KPNA6: variants seen among roughly 807,000 people sequenced by gnomAD.
KPNA6 encodes the protein importin subunit alpha-7.
KPNA6 carries 9 observed loss-of-function variants against 72.0 expected under a neutral mutation model. That is an observed-to-expected ratio of 0.13 (90% CI 0.08 to 0.22). KPNA6 has a LOEUF of 0.22. Ranked by LOEUF, KPNA6 falls within the 10% of genes least tolerant of loss-of-function variation. KPNA6 has a pLI of 1.00. For synonymous variants in KPNA6, 219 were observed against 242.1 expected (o/e 0.90, Z 0.89); for missense variants, 374 against 655.7 (o/e 0.57, Z 4.69).
intron 10 of KPNA6, 84 bp from the exon 11 acceptor site, chr1:32,166,014 ACAACAAC>A: frequency 1.7e-6 from 2 of 1,206,706 alleles, no homozygotes; most frequent in Non-Finnish European, 2.2e-6. Flanking sequence ...AAAAACAAAA[ACAACAAC>A]AACAACAACA....
At chr1:32,147,650 CTTTTTTTTTTTT>C (rs915571659) in intron 1 of KPNA6, among the ~76,000 whole-genome samples, 11 of 81,868 alleles carry the variant, frequency 1.3e-4, no homozygotes, top group South Asian at 4.7e-4. Flanking sequence ...GATTTCTTTT[CTTTTTTTTTTTT>C]TTTTTTTTTT....
In KPNA6 at chr1:32,154,606, G is replaced by A. The variant is rs1642103220; in HGVS notation, c.23G>A (p.Gly8Glu). 1 of 1,613,514 alleles carries A rather than the reference G, an allele frequency of 6.2e-7. No individual in the cohort carries two copies. Residue 8 changes from glycine (G) to glutamate (E), a missense_variant, in exon 2 of 14, where the codon GGG becomes GAG. Around this residue, in one of 3 missense-constraint regions of KPNA6, gnomAD observed 298 missense variants for 495.4 expected, o/e 0.60. Transcript: ENST00000373625. ...CTTCTAGAGACCATGGCGAGCCCAGGGAAAGACAATTATCGAATGAAGAGC... is the reference window on the plus strand; with the variant it reads ...CTTCTAGAGACCATGGCGAGCCCAGAGAAAGACAATTATCGAATGAAGAGC... METMASP[G>E]KDNYRMKSYK...
At chr1:32,112,838 G>A (rs1472298377) in intron 1 of KPNA6, among the ~76,000 whole-genome samples, 3 of 152,100 alleles carry the variant, frequency 2.0e-5, no homozygotes, top group Admixed American at 2.0e-4. Context: ...GTGAAAAATT[G>A]CCATTTGGTG....
chr1:32,148,164 G>A (rs1229619657), intron 1 of KPNA6, among the ~76,000 whole-genome samples: 1 of 151,732 alleles, frequency 6.6e-6, no homozygotes, highest in Non-Finnish European at 1.5e-5. Context: ...GAGTACAGTG[G>A]CATGATCTCG....
chr1:32,108,580 G>A (rs982389058), intron 1 of KPNA6, among the ~76,000 whole-genome samples: 1 of 152,268 alleles, frequency 6.6e-6, no homozygotes, highest in African/African-American at 2.4e-5. Context: ...TCCTACCTAC[G>A]TAGCGAGGTG....
At chr1:32,123,894 C>T (rs552506242) in intron 1 of KPNA6, among the ~76,000 whole-genome samples, 2 of 149,764 alleles carry the variant, frequency 1.3e-5, no homozygotes, top group Non-Finnish European at 3.0e-5. Flanking sequence ...ATTAGCTGGG[C>T]GTGGTGGTGT....
chr1:32,146,688 TG>T (rs1196770633), intron 1 of KPNA6, among the ~76,000 whole-genome samples: 1 of 152,228 alleles, frequency 6.6e-6, no homozygotes, highest in Non-Finnish European at 1.5e-5. Flanking sequence ...AATTATTTTA[TG>T]CATTTGTCTT....
chr1:32,170,661 T>A lies in KPNA6; in HGVS notation c.1424-46T>A, dbSNP rs763378439. 3.9e-6 allele frequency: 6 copies of A among 1,544,914 alleles called. No individual in the cohort carries two copies. In the Admixed American group the frequency reaches 1.0e-4, roughly 27 times the overall value. On this transcript the variant is annotated intron_variant, in intron 13 of 13. Coordinates refer to ENST00000373625, the MANE Select transcript of KPNA6 (RefSeq NM_012316.5). ...AATAGGTAAATGTTTCACCTGCCCA[T>A]AGAAAAGCACTCACACTTCCCTCTC... is the stretch of plus-strand genomic sequence containing the variant.
At chr1:32,143,025 G>C (rs1031123773) in intron 1 of KPNA6, 2 of 1,283,348 alleles carry the variant, frequency 1.6e-6, no homozygotes, top group Non-Finnish European at 1.0e-6. Context: ...TATGTGTCAG[G>C]TAATAGGGGA....
At chr1:32,115,221 G>T (rs1024426219) in intron 1 of KPNA6, among the ~76,000 whole-genome samples, 7 of 150,854 alleles carry the variant, frequency 4.6e-5, no homozygotes, top group Admixed American at 2.0e-4. Flanking sequence ...CTACAAGCTC[G>T]GCCTCCCGGG....
chr1:32,143,217 C>T (rs760157290), intron 1 of KPNA6, among the ~76,000 whole-genome samples: 81 of 152,200 alleles, frequency 5.3e-4, no homozygotes, highest in Non-Finnish European at 9.0e-4. Context: ...GTGCATGCCA[C>T]CATGCCCAGC....
At position 32,169,748 on chromosome 1, in the gene KPNA6, C is replaced by T. The variant is rs114256486; in HGVS notation, c.1245-134C>T. On this transcript the variant is annotated intron_variant, in intron 12 of 13. Transcript: ENST00000373625. The stretch of plus-strand genomic sequence containing the variant: ...GTGCTGGGATCACAGGTGTGAACCA[C>T]CGCGCTCGGCCTCACAATTCTTAAA... The T allele has an allele frequency of 1.7e-3, 1,247 of 740,240 alleles. 17 individuals carry two copies. The African/African-American group carries it at 0.02, about 12-fold the overall frequency. The allele number at this position is 740,240 out of a possible 1,614,324, so 45.9% of individuals were successfully genotyped here.
At chr1:32,111,424 G>A (rs993005415) in intron 1 of KPNA6, among the ~76,000 whole-genome samples, 1 of 152,202 alleles carries the variant, frequency 6.6e-6, no homozygotes, top group African/African-American at 2.4e-5. Context: ...GGGGTTTTTA[G>A]CCTAGAGTCA....
intron 1 of KPNA6, among the ~76,000 whole-genome samples, chr1:32,135,880 G>A (rs1008261327): frequency 3.3e-5 from 5 of 151,740 alleles, no homozygotes; most frequent in African/African-American, 9.7e-5. Context: ...TACTAAAAAT[G>A]TATGAATTGT....
intron 1 of KPNA6, among the ~76,000 whole-genome samples, chr1:32,133,106 G>A (rs1033208610): frequency 6.6e-6 from 1 of 152,084 alleles, no homozygotes; most frequent in African/African-American, 2.4e-5. Context: ...CACTCTGGGA[G>A]GCTAAGGCAG....
chr1:32,162,776 A>G (rs1288126304), intron 9 of KPNA6, among the ~76,000 whole-genome samples: 1 of 151,888 alleles, frequency 6.6e-6, no homozygotes, highest in Non-Finnish European at 1.5e-5. Flanking sequence ...CAGAGGTTGC[A>G]GTGAGCCGAG....
intron 1 of KPNA6, among the ~76,000 whole-genome samples, chr1:32,140,154 G>GCAGGCGGAT (rs968898754): frequency 5.9e-4 from 90 of 152,190 alleles, no homozygotes; most frequent in Non-Finnish European, 2.4e-4. Flanking sequence ...GGAGGCCGAG[G>GCAGGCGGAT]CAGGCGGATC....
In KPNA6 at chr1:32,117,646, TAA is replaced by T. The variant is rs377267461; in HGVS notation, c.4+9518_4+9519del. On this transcript the variant is annotated intron_variant, in intron 1 of 13. Coordinates refer to ENST00000373625, the MANE Select transcript of KPNA6 (RefSeq NM_012316.5). ...CTCAAGACAAAAACAATAACAACAA[TAA>T]AAAAACACACAGTATCGGTGAATCA... Among the ~76,000 whole-genome samples, 126 of 151,994 alleles carry T rather than the reference TAA, an allele frequency of 8.3e-4. 3 individuals carry two copies. In the South Asian group the frequency reaches 0.026, roughly 31 times the overall value.
intron 1 of KPNA6, among the ~76,000 whole-genome samples, chr1:32,131,411 G>A (rs1244258831): frequency 6.6e-6 from 1 of 152,176 alleles, no homozygotes; most frequent in Admixed American, 6.6e-5. Flanking sequence ...CACTTTGGGA[G>A]GCCAAGGCAG....
Sources: allele counts gnomAD v4.1 joint callset (sites outside exome capture counted in the v4.1 genomes callset), GRCh38; gene constraint gnomAD v4.1.1; regional missense constraint gnomAD v4.1.1; transcripts MANE v1.5; gene names NCBI Gene and HGNC (gene_info 2026-07-23, HGNC 2026-07-21).